Variants in STX8 observed in about 807,000 individuals in gnomAD.
STX8 encodes the protein syntaxin 8.
A neutral mutation model predicts 37.5 loss-of-function variants in STX8; 23 were observed. That is an observed-to-expected ratio of 0.61 (90% confidence interval 0.44 to 0.87). STX8 has a LOEUF of 0.87. Among genes scored for constraint, STX8 ranks in the 40% least tolerant of loss-of-function variants. The probability of loss-of-function intolerance (pLI) is 0.00; values close to 1 mark genes in which losing one functional copy is unlikely to be tolerated. For synonymous variants in STX8, 115 were observed against 99.1 expected (o/e 1.16, Z -0.95); for missense variants, 313 against 284.7 (o/e 1.10, Z -0.71).
At chr17:9,473,117 A>G (rs1281330991) in intron 6 of STX8, among the ~76,000 whole-genome samples, 1 of 151,000 alleles carries the variant, frequency 6.6e-6, no homozygotes, top group Non-Finnish European at 1.5e-5. Flanking sequence ...ATCTCAGCTC[A>G]CTGCAACCTC....
chr17:9,551,819 G>C (rs1194444074), intron 3 of STX8, among the ~76,000 whole-genome samples: 1 of 151,950 alleles, frequency 6.6e-6, no homozygotes, highest in Admixed American at 6.6e-5. Flanking sequence ...TTTCAGAGCC[G>C]ATGTTGTTCC....
chr17:9,375,799 C>A (rs1189363394), intron 7 of STX8, among the ~76,000 whole-genome samples: 1 of 152,094 alleles, frequency 6.6e-6, no homozygotes, highest in Non-Finnish European at 1.5e-5. Flanking sequence ...CATAACAATC[C>A]TTTGAGGTCT....
At chr17:9,495,172 T>G (rs1434467575) in intron 5 of STX8, among the ~76,000 whole-genome samples, 1 of 152,232 alleles carries the variant, frequency 6.6e-6, no homozygotes, top group Non-Finnish European at 1.5e-5. Context: ...TGACATTGTT[T>G]GACACACTGT....
At chr17:9,394,939 T>C (rs1820775456) in intron 6 of STX8, among the ~76,000 whole-genome samples, 1 of 128,152 alleles carries the variant, frequency 7.8e-6, no homozygotes, top group Non-Finnish European at 1.6e-5. Flanking sequence ...TAGCTGGGCG[T>C]AGTGGCGGGC....
intron 2 of STX8, among the ~76,000 whole-genome samples, chr17:9,566,515 G>C (rs530899621): frequency 3.3e-4 from 50 of 152,074 alleles, no homozygotes; most frequent in Admixed American, 1.6e-3. Context: ...GGCCAGGTGG[G>C]GTGGCTCACA....
rs141155621 is a variant in STX8 at position 9,506,008 on chromosome 17, C to T, written c.324-846G>A. Among the ~76,000 whole-genome samples the T allele has an allele frequency of 1.4e-4, 21 of 151,352 alleles. No homozygotes were observed. The East Asian group carries it at 4.1e-3, about 29-fold the overall frequency. On this transcript the variant is annotated intron_variant, in intron 4 of 7. Transcript: ENST00000306357. Reference sequence around the variant, plus strand: ...CAGAAACACATGCAGGGTTTCAATACCAATTTTGTGACTATAATGTAGCAT... The same window carrying T: ...CAGAAACACATGCAGGGTTTCAATATCAATTTTGTGACTATAATGTAGCAT...
chr17:9,267,220 T>G (rs2142134279), intron 7 of STX8, among the ~76,000 whole-genome samples: 1 of 152,226 alleles, frequency 6.6e-6, no homozygotes, highest in African/African-American at 2.4e-5. Flanking sequence ...GACCCAATCC[T>G]CTATGCCGAA....
At chr17:9,375,768 T>C (rs908960492) in intron 7 of STX8, among the ~76,000 whole-genome samples, 9 of 152,224 alleles carry the variant, frequency 5.9e-5, no homozygotes, top group Non-Finnish European at 1.3e-4. Flanking sequence ...ATATATTACA[T>C]ACACGCAATC....
chr17:9,375,592 G>C (rs532074504), intron 7 of STX8, among the ~76,000 whole-genome samples: 1 of 152,058 alleles, frequency 6.6e-6, no homozygotes, highest in African/African-American at 2.4e-5. Context: ...ATATAGTAAC[G>C]AGAGCTAATA....
chr17:9,471,238 G>A (rs1173169884), intron 6 of STX8, among the ~76,000 whole-genome samples: 15 of 138,246 alleles, frequency 1.1e-4, no homozygotes, highest in African/African-American at 3.8e-4. Flanking sequence ...TGCAACCTCC[G>A]CCTCCCGGGT....
chr17:9,325,293 G>A (rs1444124173), intron 7 of STX8, among the ~76,000 whole-genome samples: 1 of 152,182 alleles, frequency 6.6e-6, no homozygotes, highest in Non-Finnish European at 1.5e-5. Context: ...ACCTCAAGTT[G>A]TGAATAGGAA....
intron 7 of STX8, among the ~76,000 whole-genome samples, chr17:9,281,796 T>C (rs1907894486): frequency 2.6e-5 from 4 of 152,158 alleles, no homozygotes; most frequent in Admixed American, 1.3e-4. Context: ...CAGCCAGGTG[T>C]GGTGGCACAC....
At chr17:9,424,658 A>G (rs1017130624) in intron 6 of STX8, among the ~76,000 whole-genome samples, 1 of 152,246 alleles carries the variant, frequency 6.6e-6, no homozygotes, top group East Asian at 1.9e-4. Flanking sequence ...ACTTCGAGTT[A>G]CAGAATCAGC....
At chr17:9,499,598 C>A (rs1166399991) in intron 5 of STX8, among the ~76,000 whole-genome samples, 1 of 152,158 alleles carries the variant, frequency 6.6e-6, no homozygotes, top group Non-Finnish European at 1.5e-5. Context: ...TGGGGTTTCA[C>A]CATGTTGGCC....
intron 6 of STX8, among the ~76,000 whole-genome samples, chr17:9,413,050 T>C (rs1913035940): frequency 6.6e-6 from 1 of 152,170 alleles, no homozygotes; most frequent in Non-Finnish European, 1.5e-5. Context: ...TGTATAAGAA[T>C]GACTGACTGA....
At chr17:9,544,250 G>A (rs1474643113) in intron 4 of STX8, among the ~76,000 whole-genome samples, 1 of 152,152 alleles carries the variant, frequency 6.6e-6, no homozygotes, top group East Asian at 1.9e-4. Flanking sequence ...TGGTTCCCAC[G>A]ATGAAGCTAA....
At chr17:9,420,088 C>G (rs186515470) in intron 6 of STX8, among the ~76,000 whole-genome samples, 83 of 152,318 alleles carry the variant, frequency 5.4e-4, no homozygotes, top group African/African-American at 2.0e-3. Flanking sequence ...CTCACAGTCT[C>G]TCTTACAACA....
chr17:9,423,419 G>A (rs996435074), intron 6 of STX8, among the ~76,000 whole-genome samples: 7 of 151,976 alleles, frequency 4.6e-5, no homozygotes, highest in African/African-American at 7.2e-5. Flanking sequence ...TCTGCCTCCC[G>A]GGTTCAAGCA....
At chr17:9,491,459 C>T (rs1040349105) in intron 6 of STX8, among the ~76,000 whole-genome samples, 4 of 152,102 alleles carry the variant, frequency 2.6e-5, no homozygotes, top group Non-Finnish European at 4.4e-5. Context: ...TACATAGGAT[C>T]GAAGAAGAGC....
Sources: gnomAD v4.1 joint callset for allele counts (sites outside exome capture counted in the v4.1 genomes callset) on GRCh38, gnomAD v4.1.1 for gene constraint, MANE v1.5 for transcripts, NCBI Gene and HGNC (gene_info 2026-07-23, HGNC 2026-07-21) for gene names.